AGTPBP1: variants seen among roughly 807,000 people sequenced by gnomAD.
The protein encoded by AGTPBP1 is ATP/GTP binding carboxypeptidase 1, also known as cytosolic carboxypeptidase 1.
AGTPBP1 carries 70 observed loss-of-function variants against 143.9 expected under a neutral mutation model. The ratio of observed to expected loss-of-function variants is 0.49; its 90% CI spans 0.40 to 0.59. The LOEUF is 0.59. Ranked by LOEUF, AGTPBP1 falls within the 20% of genes least tolerant of loss-of-function variation. AGTPBP1 has a pLI of 0.00. For synonymous variants in AGTPBP1, 463 were observed against 500.2 expected (o/e 0.93, Z 0.99); for missense variants, 1,229 against 1,464.5 (o/e 0.84, Z 2.62).
chr9:85,620,106 TAAAAG>T (rs558191579), intron 15 of AGTPBP1, among the ~76,000 whole-genome samples: 5 of 151,704 alleles, frequency 3.3e-5, no homozygotes, highest in Admixed American at 6.6e-5. Flanking sequence ...AACAAAACTT[TAAAAG>T]AAAAAAAAAA....
At chr9:85,770,588 A>G in the AGTPBP1 span, 1 of 650,626 alleles carries the variant, frequency 1.5e-6, no homozygotes, top group Non-Finnish European at 2.6e-6. Context: ...TGAAAGGCTT[A>G]AAGATTTGAT....
intron 24 of AGTPBP1, among the ~76,000 whole-genome samples, chr9:85,578,064 A>AT (rs1352563051): frequency 1.3e-5 from 2 of 152,194 alleles, no homozygotes; most frequent in Non-Finnish European, 2.9e-5. Flanking sequence ...ACACCTGAAA[A>AT]TTTTTCTGTG....
chr9:85,740,844 C>T (rs913972014), intron 1 of AGTPBP1, among the ~76,000 whole-genome samples: 1 of 152,178 alleles, frequency 6.6e-6, no homozygotes, highest in Non-Finnish European at 1.5e-5. Flanking sequence ...AGAAAATTTC[C>T]GCTATCTTCA....
At chr9:85,652,295 G>T (rs1354083449) in intron 11 of AGTPBP1, among the ~76,000 whole-genome samples, 1 of 152,098 alleles carries the variant, frequency 6.6e-6, no homozygotes, top group Non-Finnish European at 1.5e-5. Context: ...CGGATCACAA[G>T]GTCAAGAGAT....
intron 9 of AGTPBP1, 85 bp from the exon 10 acceptor site, chr9:85,657,728 AT>A (rs1554718883): frequency 9.3e-6 from 8 of 862,204 alleles, no homozygotes; most frequent in Non-Finnish European, 1.4e-5. Flanking sequence ...TATTACCTCA[AT>A]ATTGTGATGG....
intron 13 of AGTPBP1, among the ~76,000 whole-genome samples, chr9:85,634,847 CAA>C (rs958342504): frequency 6.6e-6 from 1 of 152,044 alleles, no homozygotes; most frequent in African/African-American, 2.4e-5. Context: ...GCCAGAACAC[CAA>C]ACTCTCCAAA....
chr9:85,586,219 A>G lies in AGTPBP1; in HGVS notation c.3033+612T>C, dbSNP rs529845782. Among the ~76,000 whole-genome samples, 3 of 152,176 alleles carry G rather than the reference A, an allele frequency of 2.0e-5. No homozygotes were observed. The East Asian group carries it at 5.8e-4, about 29-fold the overall frequency. ...AAACTCCATCTCGAAAAAAAAAAAAAAATTAAAAACAAAGAATAACAACAA... is the reference window on the plus strand; with the variant it reads ...AAACTCCATCTCGAAAAAAAAAAAAGAATTAAAAACAAAGAATAACAACAA... On this transcript the variant is annotated intron_variant, in intron 22 of 25. Coordinates refer to ENST00000357081, the MANE Select transcript of AGTPBP1 (RefSeq NM_001330701.2).
At chr9:85,565,446 AAGTT>A (rs1219969802) in intron 25 of AGTPBP1, among the ~76,000 whole-genome samples, 1 of 152,214 alleles carries the variant, frequency 6.6e-6, no homozygotes, top group Non-Finnish European at 1.5e-5. Context: ...ACTAAAAAAA[AAGTT>A]AGGGGAATTT....
chr9:85,714,551 T>C lies in AGTPBP1; in HGVS notation c.-33-1985A>G, dbSNP rs1837580098. ...TGCAGCTCTAGAATGAGTAAATCTG[T>C]CTGCAGCTAGACACCAAGACCATTT... On this transcript the variant is annotated intron_variant, in intron 1 of 25. Coordinates refer to ENST00000357081, the MANE Select transcript of AGTPBP1 (RefSeq NM_001330701.2). Among the ~76,000 whole-genome samples the C allele has an allele frequency of 2.0e-5, 3 of 152,180 alleles. No individual in the cohort carries two copies. The South Asian group carries it at 6.2e-4, about 31-fold the overall frequency.
chr9:85,704,882 C>T (rs1836884335), intron 2 of AGTPBP1, among the ~76,000 whole-genome samples: 1 of 151,888 alleles, frequency 6.6e-6, no homozygotes, highest in African/African-American at 2.4e-5. Flanking sequence ...TAAAAAGTCC[C>T]AAATCAGACT....
intron 17 of AGTPBP1, among the ~76,000 whole-genome samples, chr9:85,603,586 G>C (rs1306180147): frequency 6.6e-6 from 1 of 152,170 alleles, no homozygotes. Flanking sequence ...CCACAGGGAG[G>C]TAATACTTTT....
intron 8 of AGTPBP1, among the ~76,000 whole-genome samples, chr9:85,663,407 A>G (rs1389489047): frequency 1.3e-5 from 2 of 152,086 alleles, no homozygotes; most frequent in African/African-American, 2.4e-5. Context: ...TCAGTCCTAA[A>G]CAGTGCTTTG....
chr9:85,746,090 G>A (rs978414797), upstream of AGTPBP1, among the ~76,000 whole-genome samples: 7 of 152,092 alleles, frequency 4.6e-5, no homozygotes, highest in African/African-American at 1.4e-4. Context: ...AATAAGATTA[G>A]GGTGGGGCGA....
intron 2 of AGTPBP1, among the ~76,000 whole-genome samples, chr9:85,705,121 G>A (rs1036382948): frequency 6.8e-6 from 1 of 147,846 alleles, no homozygotes; most frequent in African/African-American, 2.5e-5. Context: ...AGAGAGAAAA[G>A]AACAGAAATA....
chr9:85,690,476 A>T (rs189589270), intron 3 of AGTPBP1, among the ~76,000 whole-genome samples: 15 of 152,178 alleles, frequency 9.9e-5, no homozygotes, highest in African/African-American at 3.6e-4. Flanking sequence ...GAGTATTTTC[A>T]GTGGTGAGGA....
chr9:85,615,578 T>C (rs1042045846), intron 17 of AGTPBP1, among the ~76,000 whole-genome samples: 1 of 152,096 alleles, frequency 6.6e-6, no homozygotes, highest in Non-Finnish European at 1.5e-5. Context: ...ACATGAGCTT[T>C]CATACTATAA....
chr9:85,633,353 CT>C lies in AGTPBP1; in HGVS notation c.1323del (p.Glu442AsnfsTer31). On this transcript the variant is annotated frameshift_variant, in exon 14 of 26. Transcript: ENST00000357081. LOFTEE classifies it high-confidence loss of function. ...CCCTCAAATACAAAAGGCTTTGGTT[CT>C]TTGGAGATTAAATCATAGTCCTTTG... ...DDFQDYDLIS[K>X]EPKPFVFEGK... 1 of 1,576,706 alleles carries C rather than the reference CT, an allele frequency of 6.3e-7. No homozygotes were observed. The highest frequency in any genetic ancestry group is 1.2e-5 in the South Asian group (1 of 84,046).
At chr9:85,748,194 G>T in the AGTPBP1 span, among the ~76,000 whole-genome samples, 2 of 152,106 alleles carry the variant, frequency 1.3e-5, no homozygotes, top group African/African-American at 4.8e-5. Flanking sequence ...AGTCCTTATC[G>T]TAATACTGTG....
chr9:85,692,947 T>A, intron 2 of AGTPBP1, 134 bp from the exon 3 acceptor site: 8 of 945,996 alleles, frequency 8.5e-6, no homozygotes, highest in Non-Finnish European at 1.1e-5. Flanking sequence ...TTCCTTACTC[T>A]GTTCTATAGC....
Sources: gnomAD v4.1 joint callset for allele counts (sites outside exome capture counted in the v4.1 genomes callset) on GRCh38, gnomAD v4.1.1 for gene constraint, MANE v1.5 for transcripts, NCBI Gene and HGNC (gene_info 2026-07-23, HGNC 2026-07-21) for gene names.